The following C8orf89 variants were observed in gnomAD, a reference collection of about 807,000 sequenced individuals.
C8orf89 encodes the protein chromosome 8 open reading frame 89.
A neutral mutation model predicts 15.8 loss-of-function variants in C8orf89; 14 were observed. The observed-to-expected ratio is 0.89, with a 90% confidence interval of 0.59 to 1.39. C8orf89 has a LOEUF of 1.39. C8orf89 is among the 40% of genes most tolerant of loss of function. The pLI is 0.00. For synonymous variants in C8orf89, 55 were observed against 62.2 expected (o/e 0.88, Z 0.54); for missense variants, 181 against 184.5 (o/e 0.98, Z 0.11).
At chr8:73,255,063 G>C (rs1299112938) in intron 2 of C8orf89, among the ~76,000 whole-genome samples, 1 of 152,044 alleles carries the variant, frequency 6.6e-6, no homozygotes, top group Admixed American at 6.6e-5. Flanking sequence ...CATGGGCAAG[G>C]ACTTCATGAC....
chr8:73,248,255 T>C (rs964304121), intron 3 of C8orf89, among the ~76,000 whole-genome samples: 5 of 152,312 alleles, frequency 3.3e-5, no homozygotes, highest in African/African-American at 9.6e-5. Flanking sequence ...GTTGTAGGTG[T>C]GTGGCCTTAT....
At chr8:73,254,589 C>T (rs1005683263) in intron 2 of C8orf89, among the ~76,000 whole-genome samples, 1 of 152,078 alleles carries the variant, frequency 6.6e-6, no homozygotes, top group Non-Finnish European at 1.5e-5. Flanking sequence ...CCAGGGGACG[C>T]CTCATGCCTG....
Position 73,250,319 on chromosome 8 carries a change from T to G in C8orf89, c.286A>C (p.Lys96Gln). 1.3e-6 allele frequency: 2 copies of G among 1,520,524 alleles called. No homozygotes were observed. The highest frequency in any genetic ancestry group is 1.7e-4 in the Middle Eastern group (1 of 5,956). The allele number at this position is 1,520,524 out of a possible 1,614,324, so 94.2% of individuals were successfully genotyped here. A position where few individuals can be genotyped will look rare whatever the true frequency, so the allele number is the denominator to read the frequency against. ...ACACTGCATGTCTCCTTAGTCTTCT[T>G]TAGCCTGAATATTATATATTATCAT... ...ADAEVSAVRL[K>Q]KTKETCSVAP... Residue 96 changes from lysine to glutamine, a missense_variant, in exon 3 of 4, where the codon AAG becomes CAG. Coordinates refer to ENST00000624510, the MANE Select transcript of C8orf89 (RefSeq NM_001243237.3).
the C8orf89 span, among the ~76,000 whole-genome samples, chr8:73,267,063 T>C: frequency 6.6e-6 from 1 of 152,210 alleles, no homozygotes; most frequent in Non-Finnish European, 1.5e-5. Flanking sequence ...TAAAATATGT[T>C]AAGCATGTAG....
the C8orf89 span, among the ~76,000 whole-genome samples, chr8:73,285,520 G>A: frequency 2.0e-5 from 3 of 152,166 alleles, no homozygotes; most frequent in South Asian, 2.1e-4. Context: ...CTCTGGACCC[G>A]ACCTCCCATC....
chr8:73,255,819 T>A (rs1277070013), intron 2 of C8orf89, among the ~76,000 whole-genome samples: 4 of 151,528 alleles, frequency 2.6e-5, no homozygotes, highest in Admixed American at 1.3e-4. Flanking sequence ...GGGACATGGA[T>A]GAAATTGGAA....
chr8:73,254,065 G>A (rs1416908332), intron 2 of C8orf89, among the ~76,000 whole-genome samples: 1 of 152,128 alleles, frequency 6.6e-6, no homozygotes, highest in Non-Finnish European at 1.5e-5. Context: ...TATTGGCTGT[G>A]GGTTTGTCAT....
At chr8:73,266,763 T>A in the C8orf89 span, among the ~76,000 whole-genome samples, 107,113 of 151,924 alleles carry the variant, frequency 0.71, 38,144 homozygotes, top group African/African-American at 0.78. Flanking sequence ...TCCACTGAAC[T>A]GCAGGCGCCC....
intron 2 of C8orf89, among the ~76,000 whole-genome samples, chr8:73,252,167 G>T (rs1451033863): frequency 6.6e-6 from 1 of 152,090 alleles, no homozygotes; most frequent in Non-Finnish European, 1.5e-5. Context: ...TCTTTCTTCA[G>T]ATAATATTAA....
the C8orf89 span, among the ~76,000 whole-genome samples, chr8:73,276,564 C>T: frequency 6.6e-6 from 1 of 152,090 alleles, no homozygotes; most frequent in Non-Finnish European, 1.5e-5. Context: ...GACAATGAAA[C>T]AAGACATTTC....
At position 73,241,518 on chromosome 8, in the gene C8orf89, A is replaced by T; in HGVS notation, c.425T>A (p.Ile142Asn). ...SKIAILEYDTIRQETTTKSKK... is the reference protein window; with the variant it reads ...SKIAILEYDTNRQETTTKSKK... ...TGATTTTGTGGTTGTTTCCTGACGAATGGTATCATATTCCAATATGGCTAT... is the reference window on the plus strand; with the variant it reads ...TGATTTTGTGGTTGTTTCCTGACGATTGGTATCATATTCCAATATGGCTAT... Residue 142 changes from isoleucine to asparagine, a missense_variant, in exon 4 of 4, where the codon ATT becomes AAT. By Grantham distance (149) the Ile-to-Asn change is moderately radical. Coordinates refer to ENST00000624510, the MANE Select transcript of C8orf89 (RefSeq NM_001243237.3). The T allele has an allele frequency of 6.5e-7, 1 of 1,533,508 alleles. No individual in the cohort carries two copies. 95.0% of individuals were successfully genotyped at this position (1,533,508 alleles called of 1,614,324 possible).
intron 1 of C8orf89, 97 bp downstream of exon 1, chr8:73,259,235 G>T: frequency 4.3e-6 from 3 of 693,132 alleles, no homozygotes; most frequent in Non-Finnish European, 6.3e-6. Flanking sequence ...TTACATAAAT[G>T]TCACAGAAAA....
At chr8:73,252,466 G>A (rs1055640144) in intron 2 of C8orf89, among the ~76,000 whole-genome samples, 2 of 152,048 alleles carry the variant, frequency 1.3e-5, no homozygotes, top group African/African-American at 2.4e-5. Context: ...TTTGAAAGAA[G>A]GGAATATCCA....
At chr8:73,252,784 A>G (rs1813276315) in intron 2 of C8orf89, among the ~76,000 whole-genome samples, 1 of 152,212 alleles carries the variant, frequency 6.6e-6, no homozygotes, top group South Asian at 2.1e-4. Context: ...CCTCCCCTAA[A>G]GGGAGGTGCA....
upstream of C8orf89, among the ~76,000 whole-genome samples, chr8:73,264,088 T>G (rs1284938247): frequency 6.6e-6 from 1 of 152,212 alleles, no homozygotes; most frequent in African/African-American, 2.4e-5. Flanking sequence ...CATCACAGCC[T>G]TCTTGTGCTT....
At chr8:73,268,797 T>C in the C8orf89 span, among the ~76,000 whole-genome samples, 1 of 152,166 alleles carries the variant, frequency 6.6e-6, no homozygotes, top group Non-Finnish European at 1.5e-5. Flanking sequence ...ACATCAGCCA[T>C]GAGTTGCTAA....
intron 1 of C8orf89, 118 bp from the exon 2 acceptor site, chr8:73,257,244 T>G: frequency 1.6e-6 from 1 of 634,998 alleles, no homozygotes. Flanking sequence ...ATTAAGCAAC[T>G]GTAATTTAGC....
chr8:73,281,141 AGGTGTGGT>A, the C8orf89 span, among the ~76,000 whole-genome samples: 1 of 152,186 alleles, frequency 6.6e-6, no homozygotes, highest in Non-Finnish European at 1.5e-5. Context: ...ATCACTGGCC[AGGTGTGGT>A]GGCTCACACC....
At chr8:73,273,453 A>G in the C8orf89 span, among the ~76,000 whole-genome samples, 1 of 152,220 alleles carries the variant, frequency 6.6e-6, no homozygotes, top group African/African-American at 2.4e-5. Flanking sequence ...AGGCACTAAC[A>G]TGCCAGCCGC....
Sources: gnomAD v4.1 joint callset for allele counts (sites outside exome capture counted in the v4.1 genomes callset) on GRCh38, gnomAD v4.1.1 for gene constraint, MANE v1.5 for transcripts, NCBI Gene and HGNC (gene_info 2026-07-23, HGNC 2026-07-21) for gene names.